WDPCP: variants seen among roughly 807,000 people sequenced by gnomAD.
The protein encoded by WDPCP is WD repeat containing planar cell polarity effector, also known as WD repeat-containing and planar cell polarity effector protein fritz homolog.
WDPCP carries 71 observed loss-of-function variants against 93.1 expected under a neutral mutation model. That is an observed-to-expected ratio of 0.76 (90% confidence interval 0.63 to 0.93). The LOEUF (loss-of-function observed/expected upper bound fraction) is 0.93, where lower values mean the gene tolerates loss of function less well. Ranked by LOEUF, WDPCP falls within the 40% of genes least tolerant of loss-of-function variation. The pLI, the probability that WDPCP is intolerant of heterozygous loss-of-function variation, is 0.00. For missense variants in WDPCP, 844 were observed against 887.4 expected (o/e 0.95, Z 0.62); for synonymous variants, 315 against 315.0 (o/e 1.00, Z 0.00).
At chr2:63,614,205 CT>C (rs1366724953) in intron 3 of WDPCP, among the ~76,000 whole-genome samples, 1 of 152,152 alleles carries the variant, frequency 6.6e-6, no homozygotes, top group Non-Finnish European at 1.5e-5. Flanking sequence ...TCCCTCTCCC[CT>C]ATGAAGAAGA....
chr2:63,797,921 A>G (rs1243335666), intron 2 of WDPCP, among the ~76,000 whole-genome samples: 1 of 152,194 alleles, frequency 6.6e-6, no homozygotes, highest in Admixed American at 6.5e-5. Context: ...AAAGGATCCT[A>G]AAAGCATCAA....
At chr2:63,791,112 G>A (rs2104001192) in intron 2 of WDPCP, among the ~76,000 whole-genome samples, 2 of 152,230 alleles carry the variant, frequency 1.3e-5, no homozygotes, top group Middle Eastern at 6.8e-3. Context: ...GACTCACCAG[G>A]GAGATAGGCT....
chr2:63,795,499 CA>C (rs201653047), intron 2 of WDPCP, among the ~76,000 whole-genome samples: 103 of 82,260 alleles, frequency 1.3e-3, no homozygotes, highest in Admixed American at 1.8e-3. Flanking sequence ...GACCCTGTCT[CA>C]AAAAAAAAAA....
chr2:63,596,768 C>G (rs765190951), intron 3 of WDPCP, among the ~76,000 whole-genome samples: 3 of 152,054 alleles, frequency 2.0e-5, no homozygotes, highest in Non-Finnish European at 4.4e-5. Context: ...GTTCTTTAGT[C>G]AAAAAGCAAG....
intron 2 of WDPCP, among the ~76,000 whole-genome samples, chr2:63,793,918 G>A (rs1670579292): frequency 1.3e-5 from 2 of 149,094 alleles, no homozygotes; most frequent in African/African-American, 5.0e-5. Flanking sequence ...GTATCATATT[G>A]CCATTTTTAG....
intron 1 of WDPCP, among the ~76,000 whole-genome samples, chr2:63,580,853 T>C (rs752497307): frequency 5.9e-5 from 9 of 152,162 alleles, no homozygotes; most frequent in African/African-American, 9.7e-5. Context: ...TTGGAATATA[T>C]TCACTGAAGA....
At chr2:63,365,213 A>G (rs11894445) in intron 12 of WDPCP, among the ~76,000 whole-genome samples, 121,758 of 152,102 alleles carry the variant, frequency 0.8, 49,587 homozygotes, top group East Asian at 0.97. Flanking sequence ...GTGGAAGAAT[A>G]AGTCAATGTA....
intron 13 of WDPCP, among the ~76,000 whole-genome samples, chr2:63,288,121 G>A (rs1032662744): frequency 6.6e-6 from 1 of 152,166 alleles, no homozygotes. Flanking sequence ...CAGATGGCTG[G>A]AGAGCAGCAG....
intron 12 of WDPCP, among the ~76,000 whole-genome samples, chr2:63,320,632 T>C (rs1396002316): frequency 2.0e-5 from 3 of 151,994 alleles, no homozygotes; most frequent in Non-Finnish European, 2.9e-5. Context: ...AAGTGGACTG[T>C]AGAACACTAA....
intron 12 of WDPCP, among the ~76,000 whole-genome samples, chr2:63,374,108 C>G (rs755092035): frequency 1.4e-5 from 2 of 147,578 alleles, no homozygotes; most frequent in Non-Finnish European, 3.0e-5. Context: ...TTCCTTCATT[C>G]CAGTTCTCTC....
chr2:63,433,789 T>C lies in WDPCP; in HGVS notation c.781A>G (p.Arg261Gly), dbSNP rs776074518. 6.2e-7 allele frequency: 1 copy of C among 1,612,334 alleles called. No homozygotes were observed. The highest frequency in any genetic ancestry group is 1.1e-5 in the South Asian group (1 of 90,950). Residue 261 changes from arginine to glycine, a missense_variant, in exon 9 of 18, where the codon AGA (arginine) becomes GGA (glycine). Physicochemically the swap from Arg to Gly is moderately radical, Grantham distance 125. Coordinates refer to ENST00000272321, the MANE Select transcript of WDPCP (RefSeq NM_015910.7). The stretch of plus-strand genomic sequence containing the variant: ...TAACCCAGGAGGAGTAGATTGGCTC[T>C]GTCCTTCTCAGAAGAAATGGGGGCC... The part of the protein sequence containing the change: ...PWAPISSEKD[R>G]ANLLLLGYAQ...
chr2:63,493,351 T>C (rs1397870277), intron 1 of WDPCP, among the ~76,000 whole-genome samples: 1 of 152,178 alleles, frequency 6.6e-6, no homozygotes, highest in African/African-American at 2.4e-5. Context: ...ATTTTTGGTA[T>C]ATAAAGCAAA....
At chr2:63,402,396 T>C (rs555134294) in intron 10 of WDPCP, among the ~76,000 whole-genome samples, 2 of 152,242 alleles carry the variant, frequency 1.3e-5, no homozygotes, top group Admixed American at 6.5e-5. Flanking sequence ...GACAGGTTGA[T>C]AGGTGTAGCA....
At chr2:63,328,891 C>G (rs1484548061) in intron 12 of WDPCP, among the ~76,000 whole-genome samples, 1 of 152,026 alleles carries the variant, frequency 6.6e-6, no homozygotes, top group Admixed American at 6.6e-5. Flanking sequence ...CTGTGCCTGG[C>G]CAATTTTTTT....
intron 3 of WDPCP, among the ~76,000 whole-genome samples, chr2:63,620,389 T>C (rs538760029): frequency 2.0e-5 from 3 of 152,314 alleles, no homozygotes; most frequent in Admixed American, 6.5e-5. Flanking sequence ...CCCTTCACAG[T>C]GTAAACAAAG....
At chr2:63,275,344 G>A (rs1683000779) in intron 13 of WDPCP, among the ~76,000 whole-genome samples, 1 of 151,950 alleles carries the variant, frequency 6.6e-6, no homozygotes, top group Non-Finnish European at 1.5e-5. Context: ...TACTGAATAG[G>A]CAAAAGCTGA....
chr2:63,533,297 C>G (rs1436388510), intron 1 of WDPCP, among the ~76,000 whole-genome samples: 2 of 152,092 alleles, frequency 1.3e-5, no homozygotes, highest in Non-Finnish European at 1.5e-5. Context: ...TTAGACAGAT[C>G]GATGAGACAG....
chr2:63,779,648 T>G (rs1670359127), intron 2 of WDPCP, among the ~76,000 whole-genome samples: 1 of 152,108 alleles, frequency 6.6e-6, no homozygotes, highest in Non-Finnish European at 1.5e-5. Flanking sequence ...CGTATATCCT[T>G]GGGGCAGAGA....
At chr2:63,143,246 C>T (rs1437763667) in intron 17 of WDPCP, among the ~76,000 whole-genome samples, 1 of 152,108 alleles carries the variant, frequency 6.6e-6, no homozygotes, top group Non-Finnish European at 1.5e-5. Context: ...TGCCCCTGCT[C>T]GCTTTTGGTG....
Sources: gnomAD v4.1 joint callset for allele counts (sites outside exome capture counted in the v4.1 genomes callset) on GRCh38, gnomAD v4.1.1 for gene constraint, MANE v1.5 for transcripts, NCBI Gene and HGNC (gene_info 2026-07-23, HGNC 2026-07-21) for gene names.